The following BARD1 variants were observed in gnomAD, a reference collection of about 807,000 sequenced individuals.
BARD1 encodes BRCA1-associated RING domain protein 1.
BARD1 carries 73 observed loss-of-function variants against 77.0 expected under a neutral mutation model. The ratio of observed to expected loss-of-function variants is 0.95; its 90% CI spans 0.79 to 1.15. BARD1 has a LOEUF of 1.15. Among genes scored for constraint, BARD1 ranks in the 50% most tolerant of loss-of-function variants. The pLI, the probability that BARD1 is intolerant of heterozygous loss-of-function variation, is 0.00. For missense variants in BARD1, 993 were observed against 938.8 expected, an observed-to-expected ratio of 1.06 and a Z score of -0.75; for synonymous variants, 384 against 338.0, an observed-to-expected ratio of 1.14 and a Z score of -1.49.
chr2:214,781,581 T>G, intron 3 of BARD1, 72 bp from the exon 4 acceptor site: 2 of 1,209,990 alleles, frequency 1.7e-6, no homozygotes, highest in Non-Finnish European at 2.4e-6. Context: ...CCGAAGAATT[T>G]TGTTTACAGT....
In BARD1 at chr2:214,757,052, G is replaced by A. The variant is rs921029349; in HGVS notation, c.1569-4497C>T. ...CGCCTCTTCCTCCTGCTCTGACCAC[G>A]TAAGATGTGCCTGCTTCCCCTTCAT... On this transcript the variant is annotated intron_variant, in intron 6 of 10. Coordinates refer to ENST00000260947, the MANE Select transcript of BARD1 (RefSeq NM_000465.4). Among the ~76,000 whole-genome samples the A allele has an allele frequency of 9.9e-5, 15 of 152,196 alleles. 1 individual carries two copies. Among genetic ancestry groups the A allele is most frequent in the South Asian group, 8.3e-4 (4 of 4,820 alleles).
At chr2:214,751,151 ATTT>A (rs60746999) in intron 7 of BARD1, among the ~76,000 whole-genome samples, 8 of 37,184 alleles carry the variant, frequency 2.2e-4, no homozygotes, top group African/African-American at 7.3e-4. Context: ...ATATATATAT[ATTT>A]TTTTTTTTTT....
chr2:214,784,742 T>C (rs1695193589), intron 3 of BARD1, among the ~76,000 whole-genome samples: 1 of 152,130 alleles, frequency 6.6e-6, no homozygotes, highest in African/African-American at 2.4e-5. Context: ...TGGATGAAGC[T>C]GGAAACCATC....
intron 5 of BARD1, 113 bp from the exon 6 acceptor site, chr2:214,767,767 T>C: frequency 1.0e-6 from 1 of 983,228 alleles, no homozygotes; most frequent in South Asian, 1.5e-5. Flanking sequence ...GTAAATTTAT[T>C]GTTACCTAAA....
At chr2:214,757,451 T>C (rs1693745860) in intron 6 of BARD1, among the ~76,000 whole-genome samples, 1 of 152,192 alleles carries the variant, frequency 6.6e-6, no homozygotes, top group African/African-American at 2.4e-5. Context: ...CATTGCTTTT[T>C]GCTATCTAAA....
chr2:214,799,832 C>A (rs914468292), intron 1 of BARD1, among the ~76,000 whole-genome samples: 1 of 152,162 alleles, frequency 6.6e-6, no homozygotes, highest in Non-Finnish European at 1.5e-5. Context: ...CCTCACCTTC[C>A]TAGCTTTAAC....
At position 214,781,031 on chromosome 2, in the gene BARD1, T is replaced by C. The variant is rs1559424812; in HGVS notation, c.843A>G (p.Pro281=). ...CTGGAGACTCTATTTGCTCAGCCAA[T>C]GGTAAAGAGACTTCAGTTAAACTTC... ...CFGSLTEVSL[P]LAEQIESPDT... is the part of the protein sequence containing the mutation. Residue 281 remains proline (P), a synonymous_variant, in exon 4 of 11, where the codon CCA becomes CCG. Coordinates refer to ENST00000260947, the MANE Select transcript of BARD1 (RefSeq NM_000465.4). 1 of 1,611,292 alleles carries C rather than the reference T, an allele frequency of 6.2e-7. No individual in the cohort carries two copies. The highest frequency in any genetic ancestry group is 1.7e-5 in the Admixed American group (1 of 59,584).
At chr2:214,749,793 T>C (rs1393989102) in intron 7 of BARD1, among the ~76,000 whole-genome samples, 1 of 151,928 alleles carries the variant, frequency 6.6e-6, no homozygotes, top group African/African-American at 2.4e-5. Context: ...TTTTTTTTTT[T>C]TTAATGGCTG....
rs545107676 is a variant in BARD1, at chr2:214,809,526, C to T, written c.44G>A (p.Arg15His). Residue 15 changes from arginine to histidine, a missense_variant, in exon 1 of 11, where the codon CGC becomes CAC. Physicochemically the swap from Arg to His is conservative, Grantham distance 29 (BLOSUM62 0). Coordinates refer to ENST00000260947, the MANE Select transcript of BARD1 (RefSeq NM_000465.4). ...CGCGGAACGAGGCTCGTTCCCGGAG[C>T]GGATCCTCGGCTGCCGGTTCCTCGG... ...RQPRNRQPRI[R>H]SGNEPRSAPA... is the part of the protein sequence containing the mutation. The T allele has an allele frequency of 5.7e-6, 9 of 1,587,870 alleles. No individual in the cohort carries two copies. Among genetic ancestry groups the T allele is most frequent in the African/African-American group, 1.3e-5 (1 of 74,304 alleles).
rs183077703 is a variant in BARD1 at position 214,726,450 on chromosome 2, C to T, written c.*2226G>A. On this transcript the variant is annotated 3_prime_UTR_variant, in exon 11 of 11. Coordinates refer to ENST00000260947, the MANE Select transcript of BARD1 (RefSeq NM_000465.4). ...CAAACTATCAAAGTTATACTGTATT[C>T]GGAATAATCTAAGGTAATAAAGTAT... 15 of 211,952 alleles carry T rather than the reference C, an allele frequency of 7.1e-5. No homozygotes were observed. Among genetic ancestry groups the T allele is most frequent in the East Asian group, 5.0e-4 (7 of 13,912 alleles). 13.1% of individuals were successfully genotyped at this position (211,952 alleles called of 1,614,324 possible). A position where few individuals can be genotyped will look rare whatever the true frequency, so the allele number is the denominator to read the frequency against.
intron 2 of BARD1, among the ~76,000 whole-genome samples, chr2:214,794,711 T>C (rs1161275797): frequency 2.0e-5 from 3 of 152,216 alleles, no homozygotes; most frequent in Admixed American, 6.5e-5. Context: ...AATTGTATCT[T>C]AGAGAGTAGA....
At position 214,727,242 on chromosome 2, in the gene BARD1, A is replaced by C; in HGVS notation, c.*1434T>G. 1 of 228,730 alleles carries C rather than the reference A, an allele frequency of 4.4e-6. No individual in the cohort carries two copies. The highest frequency in any genetic ancestry group is 6.3e-5 in the East Asian group (1 of 15,888). The allele number at this position is 228,730 out of a possible 1,614,324, so 14.2% of individuals were successfully genotyped here. On this transcript the variant is annotated 3_prime_UTR_variant, in exon 11 of 11. Coordinates refer to ENST00000260947, the MANE Select transcript of BARD1 (RefSeq NM_000465.4). ...CATGTCAAAGAAAGAATTAAAGCAA[A>C]ATGTGTTTTCAAATGATAAACAGAA...
intron 4 of BARD1, among the ~76,000 whole-genome samples, chr2:214,771,080 G>A (rs1008125323): frequency 6.6e-6 from 1 of 152,124 alleles, no homozygotes; most frequent in Admixed American, 6.5e-5. Context: ...TTTATGCAGC[G>A]GGATGAAGGT....
At chr2:214,755,258 A>G (rs544502885) in intron 6 of BARD1, among the ~76,000 whole-genome samples, 1 of 152,138 alleles carries the variant, frequency 6.6e-6, no homozygotes, top group East Asian at 1.9e-4. Flanking sequence ...AGGGAAGAAG[A>G]CTCTTTTTTA....
At chr2:214,747,637 A>G (rs1693191287) in intron 7 of BARD1, among the ~76,000 whole-genome samples, 1 of 145,468 alleles carries the variant, frequency 6.9e-6, no homozygotes, top group Admixed American at 7.0e-5. Context: ...GTTCTCACTC[A>G]TAGGTGGGAA....
At position 214,761,193 on chromosome 2, in the gene BARD1, G is replaced by C. The variant is rs895697054; in HGVS notation, c.1568+6289C>G. Among the ~76,000 whole-genome samples, 6 of 151,478 alleles carry C rather than the reference G, an allele frequency of 4.0e-5. 1 individual carries two copies. In the South Asian group the frequency reaches 6.2e-4, roughly 16 times the overall value. On this transcript the variant is annotated intron_variant, in intron 6 of 10. Coordinates refer to ENST00000260947, the MANE Select transcript of BARD1 (RefSeq NM_000465.4). ...TCTCCAAAAATTATATAATATGTGAGTTATCAAAATAGATACTGTTATGCT... is the reference window on the plus strand; with the variant it reads ...TCTCCAAAAATTATATAATATGTGACTTATCAAAATAGATACTGTTATGCT...
chr2:214,776,999 T>G (rs1362987743), intron 4 of BARD1, among the ~76,000 whole-genome samples: 1 of 152,140 alleles, frequency 6.6e-6, no homozygotes, highest in Non-Finnish European at 1.5e-5. Flanking sequence ...GCAAGAAATC[T>G]GGATCTCAGT....
In BARD1 at chr2:214,800,284, C is replaced by T. The variant is rs561077046; in HGVS notation, c.159-3167G>A. ...GAATATATATTTGTGTTGCTGTTAA[C>T]GGATAAGGAAAGATAATGGAAATGT... On this transcript the variant is annotated intron_variant, in intron 1 of 10. Transcript: ENST00000260947. 3.0e-4 allele frequency among the ~76,000 whole-genome samples: 46 copies of T among 152,132 alleles called. No homozygotes were observed. In the East Asian group the frequency reaches 7.9e-3, roughly 26 times the overall value.
At chr2:214,806,248 A>T (rs542909842) in intron 1 of BARD1, among the ~76,000 whole-genome samples, 1 of 152,316 alleles carries the variant, frequency 6.6e-6, no homozygotes, top group African/African-American at 2.4e-5. Context: ...TGTGCAACAC[A>T]AGGCAGATGT....
Sources: gnomAD v4.1 joint callset for allele counts (sites outside exome capture counted in the v4.1 genomes callset) on GRCh38, gnomAD v4.1.1 for gene constraint, MANE v1.5 for transcripts, NCBI Gene and HGNC (gene_info 2026-07-23, HGNC 2026-07-21) for gene names.